DAB2IP: variants seen among roughly 807,000 people sequenced by gnomAD.
DAB2IP encodes DAB2 interacting protein, also known as disabled homolog 2-interacting protein.
A neutral mutation model predicts 107.2 loss-of-function variants in DAB2IP; 28 were observed. The observed-to-expected ratio is 0.26, with a 90% CI of 0.19 to 0.36. The LOEUF is 0.36. Ranked by LOEUF, DAB2IP falls within the 10% of genes least tolerant of loss-of-function variation. The probability of loss-of-function intolerance (pLI) is 1.00; values close to 1 mark genes in which losing one functional copy is unlikely to be tolerated. For missense variants in DAB2IP, 1,400 were observed against 1,644.7 expected (o/e 0.85, Z 2.57); for synonymous variants, 755 against 706.4 (o/e 1.07, Z -1.09).
At chr9:121,700,788 T>C (rs1829731462) in intron 3 of DAB2IP, among the ~76,000 whole-genome samples, 1 of 152,164 alleles carries the variant, frequency 6.6e-6, no homozygotes, top group Non-Finnish European at 1.5e-5. Flanking sequence ...CACCACTGCC[T>C]GCAGCTGGTT....
At chr9:121,642,232 C>A (rs886252713) in intron 1 of DAB2IP, among the ~76,000 whole-genome samples, 1 of 151,062 alleles carries the variant, frequency 6.6e-6, no homozygotes. Flanking sequence ...AGGCACACAC[C>A]ACCATGCCTG....
intron 3 of DAB2IP, among the ~76,000 whole-genome samples, chr9:121,721,708 C>A (rs184817390): frequency 1.6e-3 from 244 of 152,280 alleles, no homozygotes; most frequent in East Asian, 3.1e-3. Flanking sequence ...ACTGTGTGGG[C>A]TAAACAAAAC....
chr9:121,753,969 A>G (rs1161100778), intron 3 of DAB2IP, among the ~76,000 whole-genome samples: 1 of 152,148 alleles, frequency 6.6e-6, no homozygotes, highest in Non-Finnish European at 1.5e-5. Flanking sequence ...AAGTGGCCCA[A>G]CAATGCCAGC....
At chr9:121,590,188 C>T (rs995101881) in intron 1 of DAB2IP, among the ~76,000 whole-genome samples, 4 of 151,098 alleles carry the variant, frequency 2.6e-5, no homozygotes, top group African/African-American at 9.7e-5. Flanking sequence ...GCCTCAGAGG[C>T]AGAAGTGAGG....
chr9:121,779,333 A>C (rs1835430187), intron 14 of DAB2IP, among the ~76,000 whole-genome samples: 1 of 152,142 alleles, frequency 6.6e-6, no homozygotes, highest in Non-Finnish European at 1.5e-5. Flanking sequence ...GTCCTTGTCT[A>C]ATTCTATCAT....
chr9:121,656,111 C>T lies in DAB2IP; in HGVS notation c.124+4212C>T, dbSNP rs181069482. Among the ~76,000 whole-genome samples the T allele has an allele frequency of 4.9e-3, 747 of 151,948 alleles. 7 individuals are homozygous for T. The highest frequency in any genetic ancestry group is 0.016 in the African/African-American group (655 of 41,428). ...GCAACCTCTGCCTCCCGGGTTCAAGCGATTCTCCTGCCTCAGCCTCCCGAG... is the reference window on the plus strand; with the variant it reads ...GCAACCTCTGCCTCCCGGGTTCAAGTGATTCTCCTGCCTCAGCCTCCCGAG... On this transcript the variant is annotated intron_variant, in intron 1 of 15. Coordinates refer to ENST00000408936, the Ensembl canonical transcript of DAB2IP.
intron 1 of DAB2IP, among the ~76,000 whole-genome samples, chr9:121,611,402 G>C (rs1212474704): frequency 6.6e-6 from 1 of 152,166 alleles, no homozygotes; most frequent in African/African-American, 2.4e-5. Flanking sequence ...GAGTACAGCA[G>C]ACAGGCTAAG....
At chr9:121,609,479 C>T (rs955100657) in intron 1 of DAB2IP, among the ~76,000 whole-genome samples, 6 of 152,204 alleles carry the variant, frequency 3.9e-5, no homozygotes, top group African/African-American at 7.2e-5. Flanking sequence ...GACCCCCATT[C>T]GGCTCCCAAC....
At chr9:121,610,292 T>A (rs749458465) in intron 1 of DAB2IP, among the ~76,000 whole-genome samples, 1 of 152,182 alleles carries the variant, frequency 6.6e-6, no homozygotes, top group African/African-American at 2.4e-5. Context: ...CTGAGTACGG[T>A]GCATGGCCTC....
At chr9:121,658,323 T>G (rs1833053329) in intron 1 of DAB2IP, among the ~76,000 whole-genome samples, 1 of 152,242 alleles carries the variant, frequency 6.6e-6, no homozygotes, top group Non-Finnish European at 1.5e-5. Context: ...CAGAGCTTGC[T>G]GGGAGCTGAA....
chr9:121,744,769 C>A (rs1180517813), intron 3 of DAB2IP, among the ~76,000 whole-genome samples: 2 of 152,200 alleles, frequency 1.3e-5, no homozygotes, highest in Admixed American at 1.3e-4. Flanking sequence ...TTTGACCTCT[C>A]TGAGCCTCTG....
In DAB2IP at chr9:121,596,584, T is replaced by TA. The variant is rs773499688; in HGVS notation, c.40+29357dup. 4.1e-4 allele frequency among the ~76,000 whole-genome samples: 62 copies of TA among 150,950 alleles called. 2 individuals carry two copies. Among genetic ancestry groups the TA allele is most frequent in the Non-Finnish European group, 4.4e-4 (30 of 67,996 alleles). ...TTCTGCAACATGTTCTCCCTCCCCTTATTTGAGATTTGAGATTCATAATGA... is the reference window on the plus strand; with the variant it reads ...TTCTGCAACATGTTCTCCCTCCCCTTAATTTGAGATTTGAGATTCATAATGA... On this transcript the variant is annotated intron_variant, in intron 1 of 16. Transcript: ENST00000259371.
intron 10 of DAB2IP, among the ~76,000 whole-genome samples, chr9:121,770,138 G>A (rs1037897322): frequency 6.6e-6 from 1 of 152,196 alleles, no homozygotes; most frequent in Non-Finnish European, 1.5e-5. Flanking sequence ...GCCAAGGTGG[G>A]TCAGGCCCCA....
At chr9:121,594,046 A>C (rs1830474632) in intron 1 of DAB2IP, among the ~76,000 whole-genome samples, 1 of 151,910 alleles carries the variant, frequency 6.6e-6, no homozygotes. Context: ...TAGTCATATA[A>C]TTGCTACCTG....
At chr9:121,666,867 A>AACAC (rs59290421) in intron 1 of DAB2IP, among the ~76,000 whole-genome samples, 6,847 of 128,484 alleles carry the variant, frequency 0.053, 198 homozygotes, top group East Asian at 0.066. Flanking sequence ...CCCCAGCCCC[A>AACAC]ACACACACAC....
At chr9:121,769,339 C>T (rs540072656) in intron 10 of DAB2IP, among the ~76,000 whole-genome samples, 36 of 152,348 alleles carry the variant, frequency 2.4e-4, no homozygotes, top group African/African-American at 8.7e-4. Flanking sequence ...CTTCTGGACA[C>T]GATCTGTGCA....
chr9:121,617,852 C>T (rs12004049), intron 1 of DAB2IP, among the ~76,000 whole-genome samples: 3,703 of 152,240 alleles, frequency 0.024, 150 homozygotes, highest in African/African-American at 0.084. Flanking sequence ...AGTGGAAGAG[C>T]GGGGTGCGTA....
intron 2 of DAB2IP, among the ~76,000 whole-genome samples, chr9:121,689,014 C>T (rs944627532): frequency 6.6e-6 from 1 of 152,174 alleles, no homozygotes; most frequent in African/African-American, 2.4e-5. Flanking sequence ...TGAAAAGTGC[C>T]GGACGTGGTG....
rs1400756477 is a variant in DAB2IP at position 121,599,528 on chromosome 9, C to T, written c.40+32300C>T. 1.3e-5 allele frequency among the ~76,000 whole-genome samples: 2 copies of T among 151,854 alleles called. No individual in the cohort carries two copies. The highest frequency in any genetic ancestry group is 1.5e-5 in the Non-Finnish European group (1 of 67,938). On this transcript the variant is annotated intron_variant, in intron 1 of 16. Coordinates refer to the DAB2IP transcript ENST00000259371. This position sits in a 1 kb window ranked among gnomAD's most constrained non-coding sequence, Gnocchi z 6.9. ...GGGCAGGCCGGGTGGCCGCGGGAGC[C>T]CGGGAGCCGTAGAGCGGCGGCGCCG...
Sources: allele counts gnomAD v4.1 joint callset (sites outside exome capture counted in the v4.1 genomes callset), GRCh38; gene constraint gnomAD v4.1.1; non-coding constraint Gnocchi (gnomAD v3.1); transcripts MANE v1.5; gene names NCBI Gene and HGNC (gene_info 2026-07-23, HGNC 2026-07-21).